Variants in FHOD3 observed in about 807,000 individuals in gnomAD.
The protein encoded by FHOD3 is formin homology 2 domain containing 3.
FHOD3 carries 90 observed loss-of-function variants against 173.0 expected under a neutral mutation model. The ratio of observed to expected loss-of-function variants is 0.52; its 90% CI spans 0.44 to 0.62. The LOEUF (loss-of-function observed/expected upper bound fraction) is 0.62, where lower values mean the gene tolerates loss of function less well. Among genes scored for constraint, FHOD3 ranks in the 20% least tolerant of loss-of-function variants. The pLI is 0.00. For missense variants in FHOD3, 1,945 were observed against 2,034.7 expected, an observed-to-expected ratio of 0.96 and a Z score of 0.85; for synonymous variants, 828 against 823.0, an observed-to-expected ratio of 1.01 and a Z score of -0.10.
intron 27 of FHOD3, among the ~76,000 whole-genome samples, chr18:36,763,041 C>T (rs1283393806): frequency 2.3e-5 from 3 of 129,138 alleles, no homozygotes; most frequent in East Asian, 2.0e-4. Flanking sequence ...ATATAATATG[C>T]GTATTATACA....
chr18:36,753,211 C>T (rs1375796791), intron 24 of FHOD3, among the ~76,000 whole-genome samples: 1 of 152,046 alleles, frequency 6.6e-6, no homozygotes, highest in African/African-American at 2.4e-5. Flanking sequence ...GCCTCCTCAC[C>T]CCTCCCCACA....
At chr18:36,517,422 A>G (rs2056051286) in intron 5 of FHOD3, among the ~76,000 whole-genome samples, 1 of 152,176 alleles carries the variant, frequency 6.6e-6, no homozygotes, top group African/African-American at 2.4e-5. Context: ...GGTCCCCTGC[A>G]TGGCATGTTT....
chr18:36,531,950 C>T lies in FHOD3; in HGVS notation c.511+19407C>T, dbSNP rs77072681. On this transcript the variant is annotated intron_variant, in intron 5 of 28. Transcript: ENST00000590592. Reference sequence around the variant, plus strand: ...CTCTGCATTCCCTTTATCCTTTTGCCGAGTCTTGTACTTTCTTTTGAAATA... The same window carrying T: ...CTCTGCATTCCCTTTATCCTTTTGCTGAGTCTTGTACTTTCTTTTGAAATA... Among the ~76,000 whole-genome samples the T allele has an allele frequency of 6.6e-3, 1,003 of 152,308 alleles. 9 individuals are homozygous for T. Among genetic ancestry groups the T allele is most frequent in the Non-Finnish European group, 0.011 (748 of 68,028 alleles).
intron 9 of FHOD3, among the ~76,000 whole-genome samples, chr18:36,623,209 G>A (rs1399975152): frequency 3.9e-5 from 6 of 152,174 alleles, no homozygotes; most frequent in Non-Finnish European, 8.8e-5. Flanking sequence ...CATGCACACT[G>A]TGTGCCTCTC....
At chr18:36,551,296 T>C (rs1363458278) in intron 5 of FHOD3, among the ~76,000 whole-genome samples, 4 of 152,176 alleles carry the variant, frequency 2.6e-5, no homozygotes, top group Non-Finnish European at 4.4e-5. Flanking sequence ...ATATTTTTTA[T>C]TGCATCTATG....
chr18:36,696,430 A>G (rs1018419991), intron 17 of FHOD3, among the ~76,000 whole-genome samples: 1 of 138,050 alleles, frequency 7.2e-6, no homozygotes, highest in Non-Finnish European at 1.7e-5. Context: ...TCTTTCTTTT[A>G]TAACTCCTGT....
At chr18:36,606,974 C>T (rs971941269) in intron 8 of FHOD3, among the ~76,000 whole-genome samples, 2 of 152,250 alleles carry the variant, frequency 1.3e-5, no homozygotes, top group African/African-American at 4.8e-5. Context: ...AACCCCATCC[C>T]TATGGCTTTG....
chr18:36,739,288 T>C (rs10163615), intron 20 of FHOD3, among the ~76,000 whole-genome samples: 3,291 of 152,282 alleles, frequency 0.022, 128 homozygotes, highest in African/African-American at 0.075. Flanking sequence ...TACATGAGTA[T>C]AAATACAGTT....
rs71168224 is a variant in FHOD3 at position 36,437,682 on chromosome 18, T to TTTTTTTTTA, written c.338-64250_338-64249insTTTTTTTTA. 5.0e-4 allele frequency among the ~76,000 whole-genome samples: 65 copies of TTTTTTTTTA among 129,642 alleles called. 9 individuals carry two copies. Among genetic ancestry groups the TTTTTTTTTA allele is most frequent in the African/African-American group, 6.7e-4 (24 of 35,944 alleles). 85.1% of individuals were successfully genotyped at this position (129,642 alleles called of 152,430 possible). A position where few individuals can be genotyped will look rare whatever the true frequency, so the allele number is the denominator to read the frequency against. ...CTTTCTTTCTTTTTTTTTTTTTTTT[T>TTTTTTTTTA]AAGACAGAGTCTTGCTCTGTCGCCA... On this transcript the variant is annotated intron_variant, in intron 3 of 28. Transcript: ENST00000590592.
At chr18:36,639,407 T>A (rs1240004325) in intron 10 of FHOD3, among the ~76,000 whole-genome samples, 5 of 152,114 alleles carry the variant, frequency 3.3e-5, no homozygotes, top group South Asian at 4.1e-4. Flanking sequence ...GTGTGGTGGC[T>A]CACCTCTGTA....
chr18:36,711,651 C>A (rs574967053), intron 18 of FHOD3, among the ~76,000 whole-genome samples: 4 of 152,332 alleles, frequency 2.6e-5, no homozygotes, highest in African/African-American at 7.2e-5. Context: ...CTCCCTCTTA[C>A]AACCAACATA....
chr18:36,434,954 G>T (rs906001146), intron 3 of FHOD3, among the ~76,000 whole-genome samples: 1 of 151,890 alleles, frequency 6.6e-6, no homozygotes, highest in African/African-American at 2.4e-5. Flanking sequence ...AGGATTTTCT[G>T]TGTATGTAAT....
chr18:36,402,506 T>TACACACACACACACACACACAC (rs146120105), intron 3 of FHOD3, among the ~76,000 whole-genome samples: 1 of 143,906 alleles, frequency 6.9e-6, no homozygotes, highest in Non-Finnish European at 1.5e-5. Flanking sequence ...GATGCAATTA[T>TACACACACACACACACACACAC]ACACACACAC....
intron 10 of FHOD3, among the ~76,000 whole-genome samples, chr18:36,647,914 A>G (rs2035799999): frequency 6.6e-6 from 1 of 152,190 alleles, no homozygotes; most frequent in African/African-American, 2.4e-5. Context: ...AAGGAGCATT[A>G]AGGGGGTGCT....
At chr18:36,431,275 A>G (rs1355632503) in intron 3 of FHOD3, among the ~76,000 whole-genome samples, 2 of 152,356 alleles carry the variant, frequency 1.3e-5, no homozygotes, top group South Asian at 4.1e-4. Context: ...TTAAAGGGAC[A>G]TGGAGTGCCC....
chr18:36,711,668 C>T (rs1348168837), intron 18 of FHOD3, among the ~76,000 whole-genome samples: 1 of 152,096 alleles, frequency 6.6e-6, no homozygotes, highest in African/African-American at 2.4e-5. Flanking sequence ...CATAGCAGCA[C>T]CCTGAGAATA....
intron 3 of FHOD3, among the ~76,000 whole-genome samples, chr18:36,389,626 T>C (rs1286222204): frequency 6.6e-6 from 1 of 152,210 alleles, no homozygotes; most frequent in Non-Finnish European, 1.5e-5. Context: ...TTTTTAAATA[T>C]GTGCTCTCTC....
At chr18:36,576,734 G>A (rs917006354) in intron 6 of FHOD3, among the ~76,000 whole-genome samples, 189 bp downstream of exon 6, 2 of 152,082 alleles carry the variant, frequency 1.3e-5, no homozygotes, top group Non-Finnish European at 2.9e-5. Flanking sequence ...AAATTTTAAT[G>A]CATTTCTCTT....
chr18:36,574,235 G>A (rs901320168), intron 5 of FHOD3, among the ~76,000 whole-genome samples: 2 of 152,198 alleles, frequency 1.3e-5, no homozygotes, highest in Non-Finnish European at 2.9e-5. Flanking sequence ...CACCAGCAAT[G>A]CATGAAGTTA....
Sources: gnomAD v4.1 joint callset for allele counts (sites outside exome capture counted in the v4.1 genomes callset) on GRCh38, gnomAD v4.1.1 for gene constraint, MANE v1.5 for transcripts, NCBI Gene and HGNC (gene_info 2026-07-23, HGNC 2026-07-21) for gene names.